SRGAP1: variants seen among roughly 807,000 people sequenced by gnomAD.
The protein encoded by SRGAP1 is SLIT-ROBO Rho GTPase activating protein 1, also known as SLIT-ROBO Rho GTPase-activating protein 1.
Under a neutral mutation model 121.9 loss-of-function variants are expected in SRGAP1, and 43 were observed. The observed-to-expected ratio is 0.35, with a 90% CI of 0.28 to 0.46. The LOEUF (loss-of-function observed/expected upper bound fraction) is 0.46, where lower values mean the gene tolerates loss of function less well. Ranked by LOEUF, SRGAP1 falls within the 20% of genes least tolerant of loss-of-function variation. The pLI is 1.00. For synonymous variants in SRGAP1, 447 were observed against 485.4 expected (o/e 0.92, Z 1.04); for missense variants, 1,102 against 1,350.9 (o/e 0.82, Z 2.89).
Position 63,868,056 on chromosome 12 carries a change from ATTTTTTTTTTTTTTTTTTTTT to A in SRGAP1, c.67+23175_67+23195del, listed in dbSNP as rs1219689164. Among the ~76,000 whole-genome samples, 9 of 57,866 alleles carry A rather than the reference ATTTTTTTTTTTTTTTTTTTTT, an allele frequency of 1.6e-4. No individual in the cohort carries two copies. The East Asian group carries it at 8.2e-3, about 53-fold the overall frequency. 38.0% of individuals were successfully genotyped at this position (57,866 alleles called of 152,430 possible). A position where few individuals can be genotyped will look rare whatever the true frequency, so the allele number is the denominator to read the frequency against. ...TTTCCATATATATATATATATATAT[ATTTTTTTTTTTTTTTTTTTTT>A]TGTTTTTTTTTTTTTGTTTTTTGAG... On this transcript the variant is annotated intron_variant, in intron 1 of 21. Transcript: ENST00000355086.
chr12:63,892,424 T>C (rs1221786646), intron 1 of SRGAP1, among the ~76,000 whole-genome samples: 1 of 152,258 alleles, frequency 6.6e-6, no homozygotes, highest in South Asian at 2.1e-4. Context: ...ATGCCTTCTA[T>C]GTAATGATAT....
chr12:63,851,789 A>G (rs910803382), intron 1 of SRGAP1, among the ~76,000 whole-genome samples: 2 of 151,086 alleles, frequency 1.3e-5, no homozygotes, highest in Non-Finnish European at 3.0e-5. Context: ...CTGGTCTCGA[A>G]CTCCTGACCT....
At chr12:64,087,406 A>G (rs111998610) in intron 11 of SRGAP1, among the ~76,000 whole-genome samples, 2,324 of 152,294 alleles carry the variant, frequency 0.015, 57 homozygotes, top group African/African-American at 0.052. Flanking sequence ...AGAAAGTACA[A>G]TTATTTTCTG....
chr12:64,014,885 C>T (rs1354582350), intron 3 of SRGAP1, among the ~76,000 whole-genome samples: 2 of 152,058 alleles, frequency 1.3e-5, no homozygotes, highest in Non-Finnish European at 2.9e-5. Flanking sequence ...GCTGTGATCT[C>T]GGCTCACTGC....
At chr12:63,928,727 C>T (rs1281672868) in intron 1 of SRGAP1, among the ~76,000 whole-genome samples, 6 of 151,796 alleles carry the variant, frequency 4.0e-5, no homozygotes, top group Non-Finnish European at 8.8e-5. Context: ...ATACAACTCA[C>T]CATAATGTGG....
chr12:64,041,573 G>A (rs570518477), intron 4 of SRGAP1, among the ~76,000 whole-genome samples: 5 of 151,508 alleles, frequency 3.3e-5, no homozygotes, highest in African/African-American at 9.7e-5. Flanking sequence ...TTGTAGAGAC[G>A]GTCCCGCTGT....
intron 19 of SRGAP1, 88 bp from the exon 20 acceptor site, chr12:64,127,502 A>C (rs1032143670): frequency 7.6e-7 from 1 of 1,311,742 alleles, no homozygotes; most frequent in Non-Finnish European, 1.0e-6. Flanking sequence ...AAATGCTATC[A>C]CGTAAATTTT....
intron 1 of SRGAP1, among the ~76,000 whole-genome samples, chr12:63,935,174 G>GTT (rs112070465): frequency 2.0e-5 from 3 of 151,994 alleles, no homozygotes; most frequent in African/African-American, 7.3e-5. Flanking sequence ...AAAAGTAAAT[G>GTT]TTTTTTTAAA....
intron 8 of SRGAP1, among the ~76,000 whole-genome samples, chr12:64,071,633 CA>C (rs1385853883): frequency 6.6e-6 from 1 of 152,114 alleles, no homozygotes; most frequent in Non-Finnish European, 1.5e-5. Flanking sequence ...AAATCAGAGT[CA>C]GGGGTGGGCC....
intron 1 of SRGAP1, among the ~76,000 whole-genome samples, chr12:63,918,519 T>G (rs1016203278): frequency 6.6e-6 from 1 of 152,168 alleles, no homozygotes; most frequent in African/African-American, 2.4e-5. Context: ...CAGGCTCAAG[T>G]GACCCTCCCA....
At chr12:63,949,001 C>CATAT (rs199743179) in intron 1 of SRGAP1, among the ~76,000 whole-genome samples, 2 of 107,144 alleles carry the variant, frequency 1.9e-5, no homozygotes, top group African/African-American at 7.9e-5. Context: ...ATGTATTTTC[C>CATAT]ATATATATAT....
intron 8 of SRGAP1, among the ~76,000 whole-genome samples, chr12:64,072,154 C>G (rs141940059): frequency 1.2e-3 from 102 of 88,238 alleles, no homozygotes; most frequent in Middle Eastern, 8.1e-3. Flanking sequence ...GTGTGGGCGG[C>G]GGGGGGGGGC....
intron 4 of SRGAP1, among the ~76,000 whole-genome samples, chr12:64,026,211 A>T (rs1216563206): frequency 6.6e-6 from 1 of 152,200 alleles, no homozygotes; most frequent in Non-Finnish European, 1.5e-5. Flanking sequence ...AATCCTTCTC[A>T]ATGAAGTGTT....
intron 1 of SRGAP1, among the ~76,000 whole-genome samples, chr12:63,968,954 A>G (rs999867967): frequency 2.0e-5 from 3 of 152,166 alleles, no homozygotes; most frequent in African/African-American, 7.2e-5. Flanking sequence ...AGCCAAGAGA[A>G]CATCAGCTGT....
chr12:64,070,167 C>T (rs1364501737), intron 8 of SRGAP1, among the ~76,000 whole-genome samples: 2 of 152,188 alleles, frequency 1.3e-5, no homozygotes, highest in Non-Finnish European at 2.9e-5. Context: ...TCAAAGTTTG[C>T]ATTTAACCTT....
chr12:64,032,448 G>C, intron 4 of SRGAP1: 1 of 733,938 alleles, frequency 1.4e-6, no homozygotes, highest in Non-Finnish European at 2.4e-6. Context: ...TCCTGAGTTT[G>C]CCCCACCATT....
At chr12:63,890,880 TC>T (rs1900556337) in intron 1 of SRGAP1, among the ~76,000 whole-genome samples, 1 of 152,188 alleles carries the variant, frequency 6.6e-6, no homozygotes, top group African/African-American at 2.4e-5. Context: ...CACAGACTGT[TC>T]CTTCAAAACT....
chr12:63,859,805 C>G (rs1899385338), intron 1 of SRGAP1, among the ~76,000 whole-genome samples: 1 of 152,106 alleles, frequency 6.6e-6, no homozygotes, highest in African/African-American at 2.4e-5. Flanking sequence ...TCTAATATGA[C>G]TGTTTCTTCT....
intron 6 of SRGAP1, among the ~76,000 whole-genome samples, chr12:64,059,613 G>A (rs888665150): frequency 4.6e-5 from 7 of 151,994 alleles, no homozygotes; most frequent in African/African-American, 1.7e-4. Flanking sequence ...AAAAAAAAAG[G>A]TCATTTCCTT....
Sources: gnomAD v4.1 joint callset for allele counts (sites outside exome capture counted in the v4.1 genomes callset) on GRCh38, gnomAD v4.1.1 for gene constraint, MANE v1.5 for transcripts, NCBI Gene and HGNC (gene_info 2026-07-23, HGNC 2026-07-21) for gene names.